PTPRG: variants seen among roughly 807,000 people sequenced by gnomAD.
PTPRG encodes the protein protein tyrosine phosphatase receptor type G.
A neutral mutation model predicts 165.3 loss-of-function variants in PTPRG; 102 were observed. The observed-to-expected ratio is 0.62, with a 90% CI of 0.53 to 0.73. PTPRG has a LOEUF of 0.73. Ranked by LOEUF, PTPRG falls within the 30% of genes least tolerant of loss-of-function variation. PTPRG has a pLI of 0.00. For synonymous variants in PTPRG, 675 were observed against 669.5 expected (o/e 1.01, Z -0.13); for missense variants, 1,866 against 1,861.4 (o/e 1.00, Z -0.05).
chr3:61,887,150 ATATATATATATATATATATATT>A (rs1404606200), intron 2 of PTPRG, among the ~76,000 whole-genome samples: 4 of 57,246 alleles, frequency 7.0e-5, no homozygotes, highest in African/African-American at 1.5e-4. Context: ...ATATATATAT[ATATATATATATATATATATATT>A]TTTAATGCCA....
chr3:61,996,521 A>C (rs2041043745), intron 3 of PTPRG, among the ~76,000 whole-genome samples: 2 of 152,200 alleles, frequency 1.3e-5, no homozygotes. Flanking sequence ...GCAGAACATC[A>C]GCCAAGTAGA....
At chr3:62,288,502 G>A (rs547209103) in intron 28 of PTPRG, among the ~76,000 whole-genome samples, 27 of 151,934 alleles carry the variant, frequency 1.8e-4, no homozygotes, top group African/African-American at 6.5e-4. Context: ...GCGAAACCCC[G>A]TCTCTACTAA....
intron 1 of PTPRG, among the ~76,000 whole-genome samples, chr3:61,568,795 C>A (rs1219966731): frequency 6.6e-6 from 1 of 151,874 alleles, no homozygotes; most frequent in Non-Finnish European, 1.5e-5. Context: ...GTAGTCCCAG[C>A]TACTCGGGAG....
At chr3:61,849,997 C>G (rs1222906052) in intron 2 of PTPRG, among the ~76,000 whole-genome samples, 1 of 152,102 alleles carries the variant, frequency 6.6e-6, no homozygotes, top group Non-Finnish European at 1.5e-5. Flanking sequence ...TGAAATGTTT[C>G]ATACAAACCT....
chr3:62,008,218 G>C (rs4688277), intron 4 of PTPRG, among the ~76,000 whole-genome samples: 7 of 151,996 alleles, frequency 4.6e-5, no homozygotes, highest in Non-Finnish European at 8.8e-5. Context: ...AACCAAAGTT[G>C]CAGTTAATGC....
At chr3:61,633,936 A>G (rs1160142461) in intron 1 of PTPRG, among the ~76,000 whole-genome samples, 4 of 149,438 alleles carry the variant, frequency 2.7e-5, no homozygotes, top group Non-Finnish European at 5.9e-5. Context: ...TCTTTTTATG[A>G]AAGGGTCTCA....
intron 8 of PTPRG, among the ~76,000 whole-genome samples, chr3:62,173,869 G>C (rs1559602736): frequency 6.6e-6 from 1 of 152,172 alleles, no homozygotes; most frequent in East Asian, 1.9e-4. Flanking sequence ...CAGCCTTTCG[G>C]TGCCAAGCAC....
At chr3:61,732,562 A>C (rs944653175) in intron 1 of PTPRG, among the ~76,000 whole-genome samples, 9 of 149,980 alleles carry the variant, frequency 6.0e-5, no homozygotes, top group Non-Finnish European at 1.0e-4. Context: ...ACAAAAAATT[A>C]GCCGCGCATG....
intron 4 of PTPRG, among the ~76,000 whole-genome samples, chr3:62,065,624 G>T (rs144838854): frequency 6.6e-6 from 1 of 152,108 alleles, no homozygotes; most frequent in African/African-American, 2.4e-5. Context: ...GCAATGCAAC[G>T]TATTTTCTCC....
At chr3:62,008,960 A>C (rs1341945425) in intron 4 of PTPRG, among the ~76,000 whole-genome samples, 1 of 152,202 alleles carries the variant, frequency 6.6e-6, no homozygotes, top group Non-Finnish European at 1.5e-5. Flanking sequence ...TGTATATTTC[A>C]GAAGGCAACC....
At chr3:61,744,882 G>C (rs1342455433) in intron 1 of PTPRG, among the ~76,000 whole-genome samples, 1 of 151,960 alleles carries the variant, frequency 6.6e-6, no homozygotes, top group Non-Finnish European at 1.5e-5. Context: ...TGTGATAGGT[G>C]GGCAGTGGCT....
intron 5 of PTPRG, among the ~76,000 whole-genome samples, chr3:62,094,791 G>A (rs767556639): frequency 5.9e-5 from 9 of 152,192 alleles, no homozygotes; most frequent in Non-Finnish European, 1.0e-4. Flanking sequence ...GGAGAGTAGG[G>A]AGGCTGATGG....
intron 8 of PTPRG, among the ~76,000 whole-genome samples, chr3:62,172,582 C>T (rs186881671): frequency 1.1e-4 from 16 of 152,028 alleles, no homozygotes; most frequent in East Asian, 9.7e-4. Context: ...TTTTTCCCTA[C>T]GAAGACTCAG....
rs139432987 is a variant in PTPRG, at chr3:62,213,620, T to C, written c.2156-5231T>C. On this transcript the variant is annotated intron_variant, in intron 12 of 29. Coordinates refer to ENST00000474889, the MANE Select transcript of PTPRG (RefSeq NM_002841.4). The surrounding 1 kb of genome is among the most constrained non-coding windows in gnomAD (Gnocchi z 4.4). ...CAGCTGGAAAGGCCTAAGTCAAAAT[T>C]TGTACTCAGGTCTGCCTGAGTCTGG... Among the ~76,000 whole-genome samples, 89 of 152,230 alleles carry C rather than the reference T, an allele frequency of 5.8e-4. No homozygotes were observed. The East Asian group carries it at 0.016, about 28-fold the overall frequency.
chr3:62,092,523 A>G (rs1007390213), intron 5 of PTPRG, among the ~76,000 whole-genome samples: 1 of 152,088 alleles, frequency 6.6e-6, no homozygotes, highest in Non-Finnish European at 1.5e-5. Flanking sequence ...CAGAGAGATA[A>G]TGAATGAAGA....
At chr3:61,683,290 C>T (rs955862670) in intron 1 of PTPRG, among the ~76,000 whole-genome samples, 3 of 152,184 alleles carry the variant, frequency 2.0e-5, no homozygotes, top group Non-Finnish European at 4.4e-5. Context: ...CCAGCAGAGC[C>T]GAATGGCGTC....
chr3:62,168,776 A>G (rs1705097479), intron 8 of PTPRG, among the ~76,000 whole-genome samples: 1 of 152,270 alleles, frequency 6.6e-6, no homozygotes, highest in Non-Finnish European at 1.5e-5. Context: ...CCGTCTGTGG[A>G]CAGCTTAAGT....
At chr3:61,672,274 G>A (rs1177633119) in intron 1 of PTPRG, among the ~76,000 whole-genome samples, 4 of 140,658 alleles carry the variant, frequency 2.8e-5, no homozygotes, top group Non-Finnish European at 3.1e-5. Context: ...CATCCCAGAC[G>A]ATGGGCGGCC....
At chr3:61,878,616 C>A (rs2037806356) in intron 2 of PTPRG, among the ~76,000 whole-genome samples, 1 of 152,126 alleles carries the variant, frequency 6.6e-6, no homozygotes, top group Non-Finnish European at 1.5e-5. Flanking sequence ...GCCTCTGTCT[C>A]CCAAGTAACT....
Sources: gnomAD v4.1 joint callset for allele counts (sites outside exome capture counted in the v4.1 genomes callset) on GRCh38, gnomAD v4.1.1 for gene constraint, Gnocchi (gnomAD v3.1) non-coding constraint, MANE v1.5 for transcripts, NCBI Gene and HGNC (gene_info 2026-07-23, HGNC 2026-07-21) for gene names.